Variants in SLIT3 observed in about 807,000 individuals in gnomAD.
SLIT3 encodes the protein slit guidance ligand 3, also known as slit homolog 3 protein.
A neutral mutation model predicts 184.0 loss-of-function variants in SLIT3; 68 were observed. That is an observed-to-expected ratio of 0.37 (90% CI 0.30 to 0.45). The LOEUF (loss-of-function observed/expected upper bound fraction) is 0.45, where lower values mean the gene tolerates loss of function less well. SLIT3 is among the 20% of genes least tolerant of loss of function. The pLI is 1.00. For synonymous variants in SLIT3, 831 were observed against 828.6 expected (o/e 1.00, Z -0.05); for missense variants, 1,707 against 2,026.0 (o/e 0.84, Z 3.02).
At chr5:168,969,977 C>A (rs867103270) in intron 4 of SLIT3, among the ~76,000 whole-genome samples, 11 of 152,094 alleles carry the variant, frequency 7.2e-5, no homozygotes, top group Middle Eastern at 3.2e-3. Flanking sequence ...GTCAGGAGAT[C>A]GAGACCATCT....
intron 4 of SLIT3, among the ~76,000 whole-genome samples, chr5:168,898,709 T>C (rs1760770025): frequency 6.6e-6 from 1 of 152,216 alleles, no homozygotes; most frequent in Non-Finnish European, 1.5e-5. Flanking sequence ...GGAGAATGTA[T>C]ATAAAGTAAT....
intron 14 of SLIT3, 52 bp downstream of exon 14, chr5:168,772,729 G>C: frequency 1.2e-6 from 2 of 1,604,220 alleles, no homozygotes; most frequent in South Asian, 2.2e-5. Context: ...GCCTCTCTGG[G>C]GCTGCTGCAT....
intron 4 of SLIT3, among the ~76,000 whole-genome samples, chr5:168,953,559 A>T (rs1290718681): frequency 6.6e-5 from 10 of 152,238 alleles, no homozygotes; most frequent in Admixed American, 6.5e-4. Context: ...GAAGCTAATG[A>T]TAACTATCTC....
At position 168,666,473 on chromosome 5, in the gene SLIT3, C is replaced by A; in HGVS notation, c.4553G>T (p.Gly1518Val). The A allele has an allele frequency of 6.3e-7, 1 of 1,581,038 alleles. No individual in the cohort carries two copies. The highest frequency in any genetic ancestry group is 8.6e-7 in the Non-Finnish European group (1 of 1,160,346). The change falls in exon 36 of 36, where the codon GGC becomes GTC. Residue 1518 changes from glycine (G) to valine (V), a missense_variant. Transcript: ENST00000519560. ...AGGGGCTTAGGAACACGCGAGGCAG[C>A]CGCACTCTAAGTGTCTCTCCACCTC... ...VEEVERHLECGCLACS is the reference protein window; with the variant it reads ...VEEVERHLECVCLACS
At chr5:168,751,376 G>A (rs1214497593) in intron 18 of SLIT3, among the ~76,000 whole-genome samples, 1 of 152,192 alleles carries the variant, frequency 6.6e-6, no homozygotes, top group African/African-American at 2.4e-5. Context: ...ATGGAAATAC[G>A]ACGAGCAGCT....
At chr5:169,046,637 C>A (rs937407905) in intron 4 of SLIT3, among the ~76,000 whole-genome samples, 7 of 152,192 alleles carry the variant, frequency 4.6e-5, no homozygotes, top group Non-Finnish European at 7.3e-5. Context: ...AAAACACATT[C>A]CTTTTGGGCG....
chr5:168,999,344 T>A (rs1468726798), intron 4 of SLIT3, among the ~76,000 whole-genome samples: 1 of 151,774 alleles, frequency 6.6e-6, no homozygotes, highest in African/African-American at 2.4e-5. Flanking sequence ...CTTGTGCTGC[T>A]GGCTTTACCT....
At chr5:169,092,685 G>A (rs1025697563) in intron 4 of SLIT3, among the ~76,000 whole-genome samples, 1 of 152,130 alleles carries the variant, frequency 6.6e-6, no homozygotes, top group East Asian at 1.9e-4. Context: ...CCATTTCTGG[G>A]GCAGAAGTAC....
intron 4 of SLIT3, among the ~76,000 whole-genome samples, chr5:169,115,484 TC>T (rs1483007895): frequency 6.6e-6 from 1 of 152,204 alleles, no homozygotes; most frequent in Non-Finnish European, 1.5e-5. Context: ...CAGTAGGTAT[TC>T]CTGTTGTCCC....
chr5:168,952,481 G>C (rs1762680551), intron 4 of SLIT3, among the ~76,000 whole-genome samples: 1 of 134,448 alleles, frequency 7.4e-6, no homozygotes, highest in Non-Finnish European at 1.5e-5. Context: ...ACCCTCAGAA[G>C]TCCCCTCCAA....
chr5:168,833,828 T>A (rs1022466297), intron 6 of SLIT3, among the ~76,000 whole-genome samples: 5 of 151,912 alleles, frequency 3.3e-5, no homozygotes, highest in African/African-American at 1.2e-4. Flanking sequence ...GGGAGTTTCT[T>A]TTTTTTTAAA....
chr5:168,990,207 G>A (rs1159546579), intron 4 of SLIT3, among the ~76,000 whole-genome samples: 1 of 152,170 alleles, frequency 6.6e-6, no homozygotes, highest in African/African-American at 2.4e-5. Context: ...GCCTTGCAAA[G>A]CATAGCCACG....
intron 31 of SLIT3, among the ~76,000 whole-genome samples, chr5:168,685,352 T>A (rs1339754869): frequency 1.3e-5 from 2 of 152,224 alleles, no homozygotes; most frequent in African/African-American, 4.8e-5. Flanking sequence ...AGAATGAGAT[T>A]CTTGGATTAG....
intron 4 of SLIT3, among the ~76,000 whole-genome samples, chr5:168,884,549 G>GATAGATAT (rs1554153412): frequency 1.5e-4 from 6 of 41,142 alleles, no homozygotes; most frequent in African/African-American, 2.2e-4. Context: ...CCAATTACGA[G>GATAGATAT]ATATATATAT....
chr5:168,793,157 T>C (rs1756441210), intron 10 of SLIT3, among the ~76,000 whole-genome samples: 1 of 152,182 alleles, frequency 6.6e-6, no homozygotes, highest in African/African-American at 2.4e-5. Flanking sequence ...ACTTGGAATG[T>C]TTTTTATACG....
chr5:169,226,838 T>C (rs1302345837), intron 3 of SLIT3, among the ~76,000 whole-genome samples: 4 of 152,194 alleles, frequency 2.6e-5, no homozygotes, highest in Admixed American at 6.5e-5. Flanking sequence ...AATCGTGGCC[T>C]AGATTCACTT....
intron 3 of SLIT3, among the ~76,000 whole-genome samples, chr5:169,231,376 C>A (rs10043016): frequency 6.6e-6 from 1 of 151,632 alleles, no homozygotes; most frequent in African/African-American, 2.4e-5. Context: ...TCGCAACTCC[C>A]CATTGCTTAA....
At position 168,709,104 on chromosome 5, in the gene SLIT3, T is replaced by TG. The variant is rs201592655; in HGVS notation, c.2720-1005_2720-1004insC. On this transcript the variant is annotated intron_variant, in intron 25 of 35. Coordinates refer to ENST00000519560, the MANE Select transcript of SLIT3 (RefSeq NM_003062.4). ...GCTACAGTGTTGTTTTCTGTTTGTT[T>TG]TTTTTTTTTTTTGAGATGGAGTCTC... 1.8e-4 allele frequency among the ~76,000 whole-genome samples: 27 copies of TG among 148,990 alleles called. 1 individual carries two copies. Among genetic ancestry groups the TG allele is most frequent in the South Asian group, 4.2e-4 (2 of 4,738 alleles).
intron 4 of SLIT3, among the ~76,000 whole-genome samples, chr5:168,898,583 C>T (rs1375881230): frequency 6.6e-6 from 1 of 151,842 alleles, no homozygotes; most frequent in East Asian, 1.9e-4. Context: ...CTTTTTTGGC[C>T]ACTGTTCAAA....
Sources: gnomAD v4.1 joint callset for allele counts (sites outside exome capture counted in the v4.1 genomes callset) on GRCh38, gnomAD v4.1.1 for gene constraint, MANE v1.5 for transcripts, NCBI Gene and HGNC (gene_info 2026-07-23, HGNC 2026-07-21) for gene names.